The following FBXO34 variants were observed in gnomAD, a reference collection of about 807,000 sequenced individuals.
FBXO34 encodes the protein F-box protein 34.
A neutral mutation model predicts 24.5 loss-of-function variants in FBXO34; 12 were observed. That is an observed-to-expected ratio of 0.49 (90% confidence interval 0.31 to 0.79). FBXO34 has a LOEUF of 0.79. FBXO34 is among the 30% of genes least tolerant of loss of function. The pLI, the probability that FBXO34 is intolerant of heterozygous loss-of-function variation, is 0.04. For synonymous variants in FBXO34, 320 were observed against 311.9 expected (o/e 1.03, Z -0.27); for missense variants, 823 against 857.7 (o/e 0.96, Z 0.51).
chr14:55,321,101 C>CT (rs1883118463), intron 1 of FBXO34, among the ~76,000 whole-genome samples: 1 of 150,058 alleles, frequency 6.7e-6, no homozygotes, highest in Non-Finnish European at 1.5e-5. Flanking sequence ...AGAATGTGGA[C>CT]TTTCCAAAGT....
At chr14:55,424,741 A>C in the FBXO34 span, among the ~76,000 whole-genome samples, 5 of 152,218 alleles carry the variant, frequency 3.3e-5, no homozygotes, top group Admixed American at 2.6e-4. Flanking sequence ...GTGCTATATA[A>C]ATAAAGAAAA....
chr14:55,282,434 T>C (rs1881585223), intron 1 of FBXO34: 1 of 268,746 alleles, frequency 3.7e-6, no homozygotes, highest in Non-Finnish European at 7.8e-6. Flanking sequence ...TGACATGTTT[T>C]TTTCATTGTA....
chr14:55,293,600 C>G (rs1882019414), intron 1 of FBXO34, among the ~76,000 whole-genome samples: 1 of 144,940 alleles, frequency 6.9e-6, no homozygotes, highest in Non-Finnish European at 1.5e-5. Flanking sequence ...TAAATCTCTG[C>G]TTTTTTTTTT....
chr14:55,326,598 G>A (rs1001698746), intron 1 of FBXO34, among the ~76,000 whole-genome samples: 10 of 152,274 alleles, frequency 6.6e-5, no homozygotes, highest in African/African-American at 2.2e-4. Flanking sequence ...TTTAGAGAGC[G>A]TAAGAAATAA....
At chr14:55,382,044 C>T in the FBXO34 span, 1 of 1,614,136 alleles carries the variant, frequency 6.2e-7, no homozygotes, top group East Asian at 2.2e-5. Context: ...TAATCCAAGG[C>T]CCTGTAATGC....
chr14:55,353,229 A>G lies in FBXO34; in HGVS notation c.*703A>G, dbSNP rs1884453531. On this transcript the variant is annotated 3_prime_UTR_variant, in exon 2 of 2. Transcript: ENST00000313833. ...TATAATGGACAGCTAACGGAACAATATAATCACCACAATGCAGCTAGGATA... is the reference window on the plus strand; with the variant it reads ...TATAATGGACAGCTAACGGAACAATGTAATCACCACAATGCAGCTAGGATA... The G allele has an allele frequency of 6.0e-6, 1 of 166,862 alleles. No individual in the cohort carries two copies. Among genetic ancestry groups the G allele is most frequent in the African/African-American group, 2.4e-5 (1 of 41,378 alleles). The allele number at this position is 166,862 out of a possible 1,614,324, so 10.3% of individuals were successfully genotyped here.
intron 1 of FBXO34, among the ~76,000 whole-genome samples, chr14:55,273,073 A>G (rs545466832): frequency 6.6e-6 from 1 of 152,320 alleles, no homozygotes; most frequent in Admixed American, 6.5e-5. Context: ...ATCTAGTTCA[A>G]AAGGTAGATG....
chr14:55,304,753 G>T (rs1002502415), intron 1 of FBXO34, among the ~76,000 whole-genome samples: 1 of 152,110 alleles, frequency 6.6e-6, no homozygotes, highest in African/African-American at 2.4e-5. Flanking sequence ...TCCCGCCTCA[G>T]CCTCCCAAAG....
downstream of FBXO34, among the ~76,000 whole-genome samples, chr14:55,356,014 T>C (rs1884517573): frequency 6.6e-6 from 1 of 152,200 alleles, no homozygotes. Context: ...TCATTGTGCA[T>C]CTGGTATAAC....
the FBXO34 span, chr14:55,413,737 C>T: frequency 3.3e-6 from 1 of 304,664 alleles, no homozygotes; most frequent in South Asian, 3.2e-5. Context: ...TCTTAGAGTG[C>T]CAAGGCCCAG....
the FBXO34 span, among the ~76,000 whole-genome samples, chr14:55,379,337 A>AC: frequency 1.3e-5 from 2 of 151,896 alleles, no homozygotes; most frequent in Non-Finnish European, 2.9e-5. Flanking sequence ...GGAGTTCAAG[A>AC]CCAGCCTGGG....
At chr14:55,387,886 C>T in the FBXO34 span, among the ~76,000 whole-genome samples, 2 of 152,160 alleles carry the variant, frequency 1.3e-5, no homozygotes, top group Non-Finnish European at 2.9e-5. Context: ...ATCTCAAACT[C>T]CTGACCTCAA....
chr14:55,429,464 C>G, the FBXO34 span, among the ~76,000 whole-genome samples: 1 of 152,268 alleles, frequency 6.6e-6, no homozygotes, highest in East Asian at 1.9e-4. Context: ...AAGTATGTCC[C>G]ATTTAGAAGA....
At chr14:55,377,809 A>G in the FBXO34 span, 1 of 1,552,962 alleles carries the variant, frequency 6.4e-7, no homozygotes, top group Non-Finnish European at 8.7e-7. Context: ...AGCAACAAAT[A>G]TCTTCTTACC....
chr14:55,389,998 A>G, the FBXO34 span, among the ~76,000 whole-genome samples: 5 of 152,342 alleles, frequency 3.3e-5, no homozygotes, highest in Non-Finnish European at 7.3e-5. Flanking sequence ...GCATGGGCCA[A>G]TAATTATTAC....
the FBXO34 span, among the ~76,000 whole-genome samples, chr14:55,409,985 G>A: frequency 6.6e-6 from 1 of 151,774 alleles, no homozygotes; most frequent in South Asian, 2.1e-4. Context: ...AAGAGTAGAT[G>A]GGATTTGTTG....
chr14:55,379,204 A>C, the FBXO34 span, among the ~76,000 whole-genome samples: 2 of 152,206 alleles, frequency 1.3e-5, no homozygotes, highest in African/African-American at 4.8e-5. Flanking sequence ...CATAACTAAA[A>C]ATTTTAAAAG....
chr14:55,344,388 A>C (rs1276178920), intron 1 of FBXO34, among the ~76,000 whole-genome samples: 5 of 151,842 alleles, frequency 3.3e-5, no homozygotes, highest in Non-Finnish European at 5.9e-5. Flanking sequence ...AAGAGTTGTT[A>C]TCTCTATCCA....
chr14:55,440,298 T>G, the FBXO34 span: 67 of 1,437,684 alleles, frequency 4.7e-5, no homozygotes, highest in Non-Finnish European at 6.1e-5. Flanking sequence ...CCGCCTCTTA[T>G]GGTCGCTATG....
Sources: gnomAD v4.1 joint callset for allele counts (sites outside exome capture counted in the v4.1 genomes callset) on GRCh38, gnomAD v4.1.1 for gene constraint, MANE v1.5 for transcripts, NCBI Gene and HGNC (gene_info 2026-07-23, HGNC 2026-07-21) for gene names.